The following IL1RAPL2 variants were observed in gnomAD, a reference collection of about 807,000 sequenced individuals.
The protein encoded by IL1RAPL2 is interleukin 1 receptor accessory protein like 2, also known as X-linked interleukin-1 receptor accessory protein-like 2.
Under a neutral mutation model 44.1 loss-of-function variants are expected in IL1RAPL2, and 3 were observed. The observed-to-expected ratio is 0.07, with a 90% confidence interval of 0.03 to 0.18. The LOEUF (loss-of-function observed/expected upper bound fraction) is 0.18, where lower values mean the gene tolerates loss of function less well. Among genes scored for constraint, IL1RAPL2 ranks in the 10% least tolerant of loss-of-function variants. IL1RAPL2 has a pLI of 1.00. For missense variants in IL1RAPL2, 391 were observed against 496.4 expected (o/e 0.79, Z 2.02); for synonymous variants, 181 against 178.8 (o/e 1.01, Z -0.10).
chrX:105,136,795 T>G (rs1291388850), intron 2 of IL1RAPL2, among the ~76,000 whole-genome samples: 2 of 112,044 alleles, frequency 1.8e-5, no homozygotes, highest in Non-Finnish European at 3.8e-5. Context: ...GTAGGACTAA[T>G]GTGAGGAAAT....
intron 2 of IL1RAPL2, among the ~76,000 whole-genome samples, chrX:104,906,840 T>A (rs7055927): frequency 0.019 from 2,090 of 112,014 alleles, 49 homozygotes; most frequent in African/African-American, 0.063. Context: ...TAGGGAGGAT[T>A]CCCTCTTTTT....
chrX:104,670,373 AC>A (rs1325608921), intron 2 of IL1RAPL2, among the ~76,000 whole-genome samples: 2 of 111,381 alleles, frequency 1.8e-5, no homozygotes, highest in Non-Finnish European at 3.8e-5. Flanking sequence ...ACCTTCTTCC[AC>A]CTGCTTTGTT....
intron 2 of IL1RAPL2, among the ~76,000 whole-genome samples, chrX:104,768,904 G>A (rs1335439689): frequency 1.8e-5 from 2 of 110,809 alleles, no homozygotes; most frequent in Non-Finnish European, 3.8e-5. Context: ...CTTTCCCGAG[G>A]AATTCATTCT....
chrX:104,659,637 T>C (rs1930347768), intron 2 of IL1RAPL2, among the ~76,000 whole-genome samples: 1 of 112,363 alleles, frequency 8.9e-6, no homozygotes, highest in African/African-American at 3.2e-5. Context: ...GTTTTGATTA[T>C]ACATTCTAGC....
intron 6 of IL1RAPL2, among the ~76,000 whole-genome samples, chrX:105,533,060 C>T (rs189010226): frequency 0.024 from 2,663 of 110,032 alleles, 50 homozygotes; most frequent in Non-Finnish European, 0.035. Context: ...CGTGGTGGTG[C>T]GTGCCTGTAG....
At chrX:104,596,082 T>A (rs939991990) in intron 1 of IL1RAPL2, among the ~76,000 whole-genome samples, 2 of 111,125 alleles carry the variant, frequency 1.8e-5, no homozygotes, top group Non-Finnish European at 3.8e-5. Flanking sequence ...ACAAGTATAT[T>A]GAAATATAAT....
chrX:104,590,880 T>A (rs1487507156), intron 1 of IL1RAPL2, among the ~76,000 whole-genome samples: 1 of 112,102 alleles, frequency 8.9e-6, no homozygotes, highest in Non-Finnish European at 1.9e-5. Flanking sequence ...TGTCTTAATT[T>A]GTTCATACTC....
chrX:105,709,442 T>C (rs1403560490), intron 6 of IL1RAPL2, among the ~76,000 whole-genome samples: 2 of 111,846 alleles, frequency 1.8e-5, no homozygotes, highest in African/African-American at 3.2e-5. Flanking sequence ...ACTCGAGAGC[T>C]AGGACTAAAA....
At chrX:105,156,966 G>T (rs185218907) in intron 2 of IL1RAPL2, among the ~76,000 whole-genome samples, 7 of 110,383 alleles carry the variant, frequency 6.3e-5, no homozygotes, top group African/African-American at 2.0e-4. Context: ...TCCAATGCCA[G>T]ATCTGCCCTT....
intron 10 of IL1RAPL2, among the ~76,000 whole-genome samples, chrX:105,755,663 T>C (rs2038632086): frequency 8.9e-6 from 1 of 111,983 alleles, no homozygotes; most frequent in Admixed American, 9.5e-5. Context: ...TTTCAATATA[T>C]TTCAGTTGCA....
At chrX:104,693,159 T>A (rs1931121836) in intron 2 of IL1RAPL2, among the ~76,000 whole-genome samples, 1 of 112,203 alleles carries the variant, frequency 8.9e-6, no homozygotes, top group Non-Finnish European at 1.9e-5. Context: ...GAAAATTGTG[T>A]ATAAACATAC....
In IL1RAPL2 at chrX:105,540,847, A is replaced by ATATTATATAT. The variant is rs1569452104; in HGVS notation, c.772+56460_772+56461insTATTATATAT. 1.5e-3 allele frequency among the ~76,000 whole-genome samples: 32 copies of ATATTATATAT among 21,443 alleles called. 3 individuals are homozygous for ATATTATATAT. The highest frequency in any genetic ancestry group is 3.5e-3 in the African/African-American group (24 of 6,827). The allele number at this position is 21,443 out of a possible 115,157, so 18.6% of individuals were successfully genotyped here. ...ATATTATATATGATATATAATACATACATATATTATATATGATATATAATA... is the reference window on the plus strand; with the variant it reads ...ATATTATATATGATATATAATACATATATTATATATCATATATTATATATGATATATAATA... On this transcript the variant is annotated intron_variant, in intron 6 of 10. Coordinates refer to ENST00000372582, the MANE Select transcript of IL1RAPL2 (RefSeq NM_017416.2).
At chrX:105,225,699 T>TTTTATTTTA (rs1409762757) in intron 3 of IL1RAPL2, among the ~76,000 whole-genome samples, 1 of 63,801 alleles carries the variant, frequency 1.6e-5, no homozygotes, top group African/African-American at 3.8e-5. Context: ...ATTTTATTTT[T>TTTTATTTTA]TTTTCTGAGA....
At chrX:105,449,389 C>A (rs1248866372) in intron 5 of IL1RAPL2, among the ~76,000 whole-genome samples, 1 of 110,619 alleles carries the variant, frequency 9.0e-6, no homozygotes, top group Non-Finnish European at 1.9e-5. Context: ...TCGAGACCAT[C>A]CTGGCTAACA....
chrX:104,766,681 C>T (rs1406974135), intron 2 of IL1RAPL2, among the ~76,000 whole-genome samples: 1 of 112,172 alleles, frequency 8.9e-6, no homozygotes, highest in East Asian at 2.8e-4. Flanking sequence ...GTGCCCAAAG[C>T]TTCCCAGCTA....
intron 2 of IL1RAPL2, among the ~76,000 whole-genome samples, chrX:105,007,402 G>GT (rs1253521572): frequency 9.0e-6 from 1 of 111,641 alleles, no homozygotes; most frequent in Admixed American, 9.5e-5. Flanking sequence ...AGCCAGTGCT[G>GT]TTTTTCCAGC....
intron 5 of IL1RAPL2, among the ~76,000 whole-genome samples, chrX:105,319,097 T>A: frequency 8.9e-6 from 1 of 112,368 alleles, no homozygotes; most frequent in Non-Finnish European, 1.9e-5. Context: ...TTAGATATTG[T>A]GCGGCTGCAC....
chrX:105,645,848 A>G (rs2037601697), intron 6 of IL1RAPL2, among the ~76,000 whole-genome samples: 1 of 111,657 alleles, frequency 9.0e-6, no homozygotes, highest in Non-Finnish European at 1.9e-5. Flanking sequence ...GGCATGGGTA[A>G]TCTGTGGCCT....
At chrX:104,964,501 C>T (rs1042266493) in intron 2 of IL1RAPL2, among the ~76,000 whole-genome samples, 3 of 108,467 alleles carry the variant, frequency 2.8e-5, no homozygotes, top group Admixed American at 9.9e-5. Flanking sequence ...TTAGTAGAGA[C>T]GGGGTTTCAC....
Sources: allele counts gnomAD v4.1 joint callset (sites outside exome capture counted in the v4.1 genomes callset), GRCh38; gene constraint gnomAD v4.1.1; transcripts MANE v1.5; gene names NCBI Gene and HGNC (gene_info 2026-07-23, HGNC 2026-07-21).